Variants in RIN1 observed in about 807,000 individuals in gnomAD.
RIN1 encodes the protein ras inhibitor 1.
RIN1 carries 52 observed loss-of-function variants against 64.9 expected under a neutral mutation model. The ratio of observed to expected loss-of-function variants is 0.80; its 90% confidence interval spans 0.64 to 1.01. The LOEUF (loss-of-function observed/expected upper bound fraction) is 1.01, where lower values mean the gene tolerates loss of function less well. Among genes scored for constraint, RIN1 ranks in the 50% least tolerant of loss-of-function variants. RIN1 has a pLI of 0.00. For synonymous variants in RIN1, 486 were observed against 483.6 expected (o/e 1.00, Z -0.06); for missense variants, 1,040 against 1,064.5 (o/e 0.98, Z 0.32).
In RIN1 at chr11:66,336,330, G is replaced by C. The variant is rs1351743232; in HGVS notation, c.73C>G (p.Leu25Val). Residue 25 changes from leucine (L) to valine (V), a missense_variant, in exon 1 of 10, where the codon CTG becomes GTG. Coordinates refer to ENST00000311320, the MANE Select transcript of RIN1 (RefSeq NM_004292.3). The stretch of plus-strand genomic sequence containing the variant: ...AACTTCACTAACTTTTCTCTCGCCA[G>C]GTGCCCAGTAGTGAAGCTGGACGGG... ...PSPSSFTTGH[L>V]AREKPAQDPL... The C allele has an allele frequency of 6.2e-7, 1 of 1,613,498 alleles. No individual in the cohort carries two copies. The highest frequency in any genetic ancestry group is 1.1e-5 in the South Asian group (1 of 90,896).
chr11:66,333,198 C>T, intron 9 of RIN1, 60 bp downstream of exon 9: 4 of 1,578,724 alleles, frequency 2.5e-6, no homozygotes, highest in Non-Finnish European at 2.6e-6. Flanking sequence ...TCACCAAGGA[C>T]AGGAAGGTGA....
intron 7 of RIN1, 113 bp from the exon 8 acceptor site, chr11:66,333,771 T>C: frequency 1.4e-6 from 2 of 1,454,840 alleles, no homozygotes; most frequent in East Asian, 4.8e-5. Context: ...TGCGCTCCTC[T>C]CTAGGCCTCA....
rs1163109336 is a variant in RIN1 at position 66,332,632 on chromosome 11, T to C, written c.1996A>G (p.Thr666Ala). 2 of 1,601,252 alleles carry C rather than the reference T, an allele frequency of 1.2e-6. No homozygotes were observed. The change falls in exon 10 of 10, where the codon ACC (threonine) becomes GCC (alanine). Residue 666 changes from threonine (T) to alanine (A), a missense_variant. Physicochemically the swap from Thr to Ala is moderately conservative, Grantham distance 58. Transcript: ENST00000311320. ...NQLCATKFRV[T>A]QPNTFGLFLY... ...AAGAGGCCAAAAGTGTTGGGCTGGG[T>C]CACTCGGAACTTGGTGGCACAGAGC...
upstream of RIN1, chr11:66,336,443 A>G (rs754905743): frequency 1.0e-5 from 16 of 1,563,704 alleles, no homozygotes; most frequent in Admixed American, 1.8e-5. Flanking sequence ...ATCCAGTCCC[A>G]AGGCAAGGCA....
In RIN1 at chr11:66,335,669, C is replaced by T; in HGVS notation, c.396G>A (p.Glu132=). The T allele has an allele frequency of 6.2e-7, 1 of 1,613,574 alleles. No homozygotes were observed. The highest frequency in any genetic ancestry group is 8.5e-7 in the Non-Finnish European group (1 of 1,179,786). ...GGTCTGGGAACATGAGCTCCGAGCC[C>T]TCCAAGGAGACGCCTGAGAGAGGAG... ...ILESPGGVSL[E]GSELMFPDLV... is the part of the protein sequence containing the mutation. The change falls in exon 4 of 10, where the codon GAG becomes GAA. Residue 132 remains glutamate, a synonymous_variant. Transcript: ENST00000311320.
rs1854732290 is a variant in RIN1 at position 66,331,384 on chromosome 11, G to T, written c.*892C>A. On this transcript the variant is annotated 3_prime_UTR_variant, in exon 10 of 10. Transcript: ENST00000311320. ...GTGAGGGCCAAGAGTTTAGTGCAGA[G>T]AGCATGGTTTCTGAGCCCCCTCTCC... 1 of 152,302 alleles carries T rather than the reference G, an allele frequency of 6.6e-6. No individual in the cohort carries two copies. The highest frequency in any genetic ancestry group is 2.4e-5 in the African/African-American group (1 of 41,466). 9.4% of individuals were successfully genotyped at this position (152,302 alleles called of 1,614,324 possible).
At chr11:66,335,577 C>G (rs374376753) in intron 4 of RIN1, 33 bp downstream of exon 4, 1 of 1,612,622 alleles carries the variant, frequency 6.2e-7, no homozygotes, top group Non-Finnish European at 8.5e-7. Flanking sequence ...GAGCAGGGCC[C>G]GTGGACACCA....
rs1590922262 is a variant in RIN1 at position 66,335,790 on chromosome 11, G to A, written c.354C>T (p.Ser118=). 1 of 1,611,392 alleles carries A rather than the reference G, an allele frequency of 6.2e-7. No homozygotes were observed. The highest frequency in any genetic ancestry group is 2.2e-5 in the East Asian group (1 of 44,806). The stretch of plus-strand genomic sequence containing the variant: ...CAGGGCTCTCCAGGATGTAGTGGCT[G>A]GAGACGAAGGAGGGGCCACTGGCTT... The part of the protein sequence containing the change: ...LPEASGPSFV[S]SHYILESPGG... Residue 118 remains serine, a synonymous_variant, in exon 3 of 10, where the codon TCC becomes TCT. Transcript: ENST00000311320.
Position 66,332,381 on chromosome 11 carries a change from C to A in RIN1, c.2247G>T (p.Arg749=). ...CTTCAGCAGTTGTCTCAGACTGTTC[C>A]CGAATGTCCCTGGGGCTGGCTTTGA... ...AGVKASPRDI[R]EQSETTAEGG... is the part of the protein sequence containing the mutation. Residue 749 remains arginine (R), a synonymous_variant, in exon 10 of 10, where the codon CGG becomes CGT. Coordinates refer to ENST00000311320, the MANE Select transcript of RIN1 (RefSeq NM_004292.3). The A allele has an allele frequency of 6.2e-7, 1 of 1,614,178 alleles. No individual in the cohort carries two copies. The highest frequency in any genetic ancestry group is 8.5e-7 in the Non-Finnish European group (1 of 1,180,030).
At position 66,335,340 on chromosome 11, in the gene RIN1, T is replaced by C. The variant is rs554017644; in HGVS notation, c.547+67A>G. 2.0e-5 allele frequency: 31 copies of C among 1,556,974 alleles called. No homozygotes were observed. In the African/African-American group the frequency reaches 3.7e-4, roughly 19 times the overall value. On this transcript the variant is annotated intron_variant, in intron 5 of 9. Transcript: ENST00000311320. ...AAGGCAGGGGCTTCGGGCGGTGTGC[T>C]GCGAGCCTTGCCTTCCCCTCGGCCT...
At position 66,332,700 on chromosome 11, in the gene RIN1, G is replaced by T; in HGVS notation, c.1928C>A (p.Thr643Asn). ...QDPSSGCTSK[T>N]LAVPPEASIA... is the part of the protein sequence containing the mutation. ...CGAGGCTTCTGGGGGCACGGCCAGG[G>T]TCTTGGAGGTGCAGCCACTGCTGGG... is the stretch of plus-strand genomic sequence containing the variant. Residue 643 changes from threonine to asparagine, a missense_variant, in exon 10 of 10, where the codon ACC becomes AAC. Transcript: ENST00000311320. 1 of 1,538,750 alleles carries T rather than the reference G, an allele frequency of 6.5e-7. No homozygotes were observed. The highest frequency in any genetic ancestry group is 8.7e-7 in the Non-Finnish European group (1 of 1,144,584).
intron 9 of RIN1, chr11:66,333,009 C>G (rs1854775330): frequency 1.7e-6 from 1 of 605,308 alleles, no homozygotes; most frequent in Non-Finnish European, 2.9e-6. Context: ...GTGCCCCAAG[C>G]ACTCTCCTGC....
At chr11:66,332,874 G>T in intron 9 of RIN1, 122 bp from the exon 10 acceptor site, 2 of 790,574 alleles carry the variant, frequency 2.5e-6, no homozygotes, top group Non-Finnish European at 4.0e-6. Flanking sequence ...AGATCCAGTG[G>T]GAGAACCAAG....
In RIN1 at chr11:66,333,284, G is replaced by A. The variant is rs1023256455; in HGVS notation, c.1849C>T (p.Arg617Cys). The change falls in exon 9 of 10, where the codon CGC becomes TGC. Residue 617 changes from arginine (R) to cysteine (C), a missense_variant. Arg to Cys is a radical substitution (Grantham distance 180). Transcript: ENST00000311320. ...TGGAAGCAGTGGGTGGCAGGCAGGC[G>A]GCGCTGCTCCCAGAGGCTGAGGGAG... ...RRSLSLWEQR[R>C]LPATHCFQHL... The A allele has an allele frequency of 1.2e-5, 19 of 1,611,382 alleles. 1 individual carries two copies. In the African/African-American group the frequency reaches 1.6e-4, roughly 14 times the overall value.
In RIN1 at chr11:66,335,685, G is replaced by C. The variant is rs200478980; in HGVS notation, c.383-3C>G. The stretch of plus-strand genomic sequence containing the variant: ...CTCCGAGCCCTCCAAGGAGACGCCT[G>C]AGAGAGGAGGGAAGTGAGGTGCTTC... On this transcript the variant is annotated splice_region_variant and splice_polypyrimidine_tract_variant and intron_variant, in intron 3 of 9. Coordinates refer to ENST00000311320, the MANE Select transcript of RIN1 (RefSeq NM_004292.3). 1,949 of 1,613,226 alleles carry C rather than the reference G, an allele frequency of 1.2e-3. 4 individuals are homozygous for C. Among genetic ancestry groups the C allele is most frequent in the Non-Finnish European group, 1.6e-3 (1,853 of 1,179,634 alleles).
At position 66,332,007 on chromosome 11, in the gene RIN1, C is replaced by T. The variant is rs1015811390; in HGVS notation, c.*269G>A. The T allele has an allele frequency of 3.9e-5, 21 of 533,924 alleles. No homozygotes were observed. Among genetic ancestry groups the T allele is most frequent in the Non-Finnish European group, 2.3e-5 (7 of 298,950 alleles). 33.1% of individuals were successfully genotyped at this position (533,924 alleles called of 1,614,324 possible). ...TCGGATTCGCCCCCACTTGGCACAC[C>T]CTCATTGCAGGCTGGCTCACCCTCA... On this transcript the variant is annotated 3_prime_UTR_variant, in exon 10 of 10. Transcript: ENST00000311320.
In RIN1 at chr11:66,334,238, A is replaced by G. The variant is rs1430006134; in HGVS notation, c.1286-14T>C. ...CCAGGACATGTTCTGCCGGAGGGAC[A>G]GGGAGGGGTCAGGGGAAGACTGGGG... On this transcript the variant is annotated splice_polypyrimidine_tract_variant and intron_variant, in intron 6 of 9. Transcript: ENST00000311320. 2 of 761,220 alleles carry G rather than the reference A, an allele frequency of 2.6e-6. No individual in the cohort carries two copies. The highest frequency in any genetic ancestry group is 3.3e-6 in the Non-Finnish European group (2 of 602,338). 47.2% of individuals were successfully genotyped at this position (761,220 alleles called of 1,614,324 possible).
Position 66,334,630 on chromosome 11 carries a change from A to G in RIN1, c.1169T>C (p.Val390Ala). The G allele has an allele frequency of 1.9e-6, 3 of 1,576,482 alleles. No individual in the cohort carries two copies. The highest frequency in any genetic ancestry group is 2.3e-5 in the South Asian group (2 of 86,550). The change falls in exon 6 of 10, where the codon GTG (valine) becomes GCG (alanine). Residue 390 changes from valine (V) to alanine (A), a missense_variant. Coordinates refer to ENST00000311320, the MANE Select transcript of RIN1 (RefSeq NM_004292.3). ...CTCCTGGGGCTCGGGCCCAGCCCGC[A>G]CCTGGGTCAGTAGGTCCTGCACCAG... ...GQLVQDLLTQVRAGPEPQELQ... is the reference protein window; with the variant it reads ...GQLVQDLLTQARAGPEPQELQ...
In RIN1 at chr11:66,332,173, G is replaced by T. The variant is rs1194836399; in HGVS notation, c.*103C>A. The T allele has an allele frequency of 2.0e-6, 2 of 1,004,454 alleles. No homozygotes were observed. The highest frequency in any genetic ancestry group is 2.8e-5 in the South Asian group (2 of 72,380). The allele number at this position is 1,004,454 out of a possible 1,614,324, so 62.2% of individuals were successfully genotyped here. A position where few individuals can be genotyped will look rare whatever the true frequency, so the allele number is the denominator to read the frequency against. On this transcript the variant is annotated 3_prime_UTR_variant, in exon 10 of 10. Coordinates refer to ENST00000311320, the MANE Select transcript of RIN1 (RefSeq NM_004292.3). ...AAACAAGTATCAGACAAAGGTGGTG[G>T]CAGACACAGGACAGGGCCCTGGGTG...
Sources: allele counts gnomAD v4.1 joint callset, GRCh38; gene constraint gnomAD v4.1.1; transcripts MANE v1.5; gene names NCBI Gene and HGNC (gene_info 2026-07-23, HGNC 2026-07-21).